The following IQGAP2 variants were observed in gnomAD, a reference collection of about 807,000 sequenced individuals.
IQGAP2 encodes IQ motif containing GTPase activating protein 2, also known as ras GTPase-activating-like protein IQGAP2.
IQGAP2 carries 173 observed loss-of-function variants against 201.3 expected under a neutral mutation model. The observed-to-expected ratio is 0.86, with a 90% CI of 0.76 to 0.98. IQGAP2 has a LOEUF of 0.98. IQGAP2 is among the 50% of genes least tolerant of loss of function. The pLI, the probability that IQGAP2 is intolerant of heterozygous loss-of-function variation, is 0.00. For synonymous variants in IQGAP2, 675 were observed against 673.9 expected (o/e 1.00, Z -0.03); for missense variants, 1,687 against 1,864.8 (o/e 0.90, Z 1.76).
At chr5:76,439,898 G>A (rs1447549908) in intron 1 of IQGAP2, among the ~76,000 whole-genome samples, 2 of 152,102 alleles carry the variant, frequency 1.3e-5, no homozygotes, top group African/African-American at 4.8e-5. Flanking sequence ...TGTGCTGATT[G>A]TTACCTAGAT....
At chr5:76,538,700 C>T (rs997552269) in intron 2 of IQGAP2, among the ~76,000 whole-genome samples, 7 of 152,146 alleles carry the variant, frequency 4.6e-5, no homozygotes, top group African/African-American at 1.7e-4. Context: ...TCCCCCCTTC[C>T]AGTCTCTGAA....
intron 2 of IQGAP2, among the ~76,000 whole-genome samples, chr5:76,540,781 G>T (rs917090042): frequency 8.5e-5 from 13 of 152,278 alleles, no homozygotes; most frequent in African/African-American, 3.1e-4. Flanking sequence ...GGTGCACAGT[G>T]TGCCACCTAC....
chr5:76,553,315 T>C (rs1305486008), intron 2 of IQGAP2, among the ~76,000 whole-genome samples: 7 of 152,214 alleles, frequency 4.6e-5, no homozygotes. Context: ...TTTAAAATAT[T>C]AAGGGAAAAA....
intron 2 of IQGAP2, among the ~76,000 whole-genome samples, chr5:76,550,168 G>C (rs1743351376): frequency 6.6e-6 from 1 of 152,034 alleles, no homozygotes; most frequent in South Asian, 2.1e-4. Flanking sequence ...TACAATGATG[G>C]GGACAGGCTT....
chr5:76,504,741 T>G (rs747837511), intron 2 of IQGAP2, among the ~76,000 whole-genome samples: 3 of 152,206 alleles, frequency 2.0e-5, no homozygotes, highest in African/African-American at 7.2e-5. Context: ...CCTTATCATG[T>G]GAAGGACGCT....
At chr5:76,540,060 A>ACATC (rs1327538278) in intron 2 of IQGAP2, among the ~76,000 whole-genome samples, 3 of 152,072 alleles carry the variant, frequency 2.0e-5, no homozygotes, top group Non-Finnish European at 4.4e-5. Context: ...TAGCTGCAGG[A>ACATC]ATTGGAGGTT....
At chr5:76,408,441 C>T (rs1750916083) in intron 1 of IQGAP2, among the ~76,000 whole-genome samples, 1 of 152,296 alleles carries the variant, frequency 6.6e-6, no homozygotes, top group East Asian at 1.9e-4. Context: ...TATGTCAAGG[C>T]CACCCTGCTA....
intron 8 of IQGAP2, among the ~76,000 whole-genome samples, chr5:76,591,032 G>A (rs1019785480): frequency 2.0e-5 from 3 of 152,216 alleles, no homozygotes; most frequent in Non-Finnish European, 2.9e-5. Context: ...GGGAGGTTGA[G>A]GCTGCAGTGA....
intron 32 of IQGAP2, among the ~76,000 whole-genome samples, chr5:76,696,368 G>T (rs1416944441): frequency 6.6e-6 from 1 of 152,142 alleles, no homozygotes; most frequent in African/African-American, 2.4e-5. Flanking sequence ...CAGACTTGAA[G>T]ATTAGTTTCT....
chr5:76,683,708 C>G, intron 29 of IQGAP2, 68 bp from the exon 30 acceptor site: 4 of 1,455,196 alleles, frequency 2.7e-6, no homozygotes, highest in Non-Finnish European at 3.7e-6. Flanking sequence ...GAACCTTTAT[C>G]TTACATTGTT....
At chr5:76,502,406 A>G (rs1320451881) in intron 2 of IQGAP2, among the ~76,000 whole-genome samples, 1 of 152,206 alleles carries the variant, frequency 6.6e-6, no homozygotes, top group East Asian at 1.9e-4. Context: ...GGATAGGAAA[A>G]TTCCCTGCCT....
Position 76,674,700 on chromosome 5 carries a change from A to G in IQGAP2, c.3518A>G (p.Gln1173Arg). The G allele has an allele frequency of 6.2e-7, 1 of 1,610,578 alleles. No individual in the cohort carries two copies. ...AACAATTATTTATCAGAGACGTATC[A>G]GGAATTCAGGTGAGAGGGGCCCTTA... ...SMNNYLSETY[Q>R]EFRKYFKEAC... The change falls in exon 27 of 36, where the codon CAG becomes CGG. Residue 1173 changes from glutamine (Q) to arginine (R), a missense_variant. Physicochemically the swap from Gln to Arg is conservative, Grantham distance 43. Transcript: ENST00000274364.
rs372040696 is a variant in IQGAP2, at chr5:76,461,580, C to T, written c.57C>T (p.Asp19=). Residue 19 remains aspartate, a synonymous_variant, in exon 2 of 36, where the codon GAC becomes GAT. Transcript: ENST00000274364. ...ATCCTCTATTTCTAGCTATTGTGGA[C>T]GATGAAAGGCTCTCTGCAGAGGAGA... The part of the protein sequence containing the change: ...LQRPRYGSIV[D]DERLSAEEMD... 326 of 1,611,908 alleles carry T rather than the reference C, an allele frequency of 2.0e-4. No individual in the cohort carries two copies. Among genetic ancestry groups the T allele is most frequent in the Admixed American group, 8.8e-4 (53 of 59,954 alleles).
At chr5:76,549,461 C>A (rs1210068720) in intron 2 of IQGAP2, among the ~76,000 whole-genome samples, 1 of 151,474 alleles carries the variant, frequency 6.6e-6, no homozygotes, top group African/African-American at 2.4e-5. Context: ...TCTAGTCTGC[C>A]AGGTAGTAAT....
chr5:76,559,302 C>A (rs1173844293), intron 2 of IQGAP2, among the ~76,000 whole-genome samples: 1 of 152,178 alleles, frequency 6.6e-6, no homozygotes, highest in Non-Finnish European at 1.5e-5. Context: ...CCTGGCTGAT[C>A]CCGTCCCTCA....
intron 4 of IQGAP2, 30 bp from the exon 5 acceptor site, chr5:76,575,663 A>G (rs768971802): frequency 3.6e-6 from 5 of 1,405,158 alleles, no homozygotes; most frequent in Non-Finnish European, 4.0e-6. Context: ...AGCAAAACAT[A>G]TAATAAATAT....
intron 2 of IQGAP2, among the ~76,000 whole-genome samples, chr5:76,536,065 C>CTTT (rs545584812): frequency 0.084 from 10,408 of 123,626 alleles, 1,108 homozygotes; most frequent in East Asian, 0.39. Flanking sequence ...GGAGCATATT[C>CTTT]TTTTTTTTTT....
chr5:76,453,619 C>G (rs774497278), intron 1 of IQGAP2, among the ~76,000 whole-genome samples: 4 of 152,170 alleles, frequency 2.6e-5, no homozygotes, highest in Admixed American at 2.0e-4. Context: ...CTTGCTACTC[C>G]TTGGGAACAG....
chr5:76,682,542 T>C (rs568334663), intron 28 of IQGAP2, among the ~76,000 whole-genome samples: 1 of 152,174 alleles, frequency 6.6e-6, no homozygotes, highest in East Asian at 1.9e-4. Flanking sequence ...TACTGTTTCC[T>C]GTAAGACCTG....
Sources: allele counts gnomAD v4.1 joint callset (sites outside exome capture counted in the v4.1 genomes callset), GRCh38; gene constraint gnomAD v4.1.1; transcripts MANE v1.5; gene names NCBI Gene and HGNC (gene_info 2026-07-23, HGNC 2026-07-21).